EBLN1: variants seen among roughly 807,000 people sequenced by gnomAD.
The protein encoded by EBLN1 is endogenous Bornavirus like nucleoprotein 1.
In EBLN1, 1 loss-of-function variant was observed where a neutral mutation model predicts 0.8. The observed-to-expected ratio is 1.32, with a 90% confidence interval of 0.47 to 6.26. The LOEUF is 6.26. Among genes scored for constraint, EBLN1 ranks in the 30% most tolerant of loss-of-function variants. The pLI is 0.15. For synonymous variants in EBLN1, 158 were observed against 158.5 expected (o/e 1.00, Z 0.02); for missense variants, 396 against 447.9 (o/e 0.88, Z 1.05).
At position 22,209,068 on chromosome 10, in the gene EBLN1, T is replaced by C. The variant is rs1834719641; in HGVS notation, c.916A>G (p.Asn306Asp). The C allele has an allele frequency of 6.5e-7, 1 of 1,536,610 alleles. No homozygotes were observed. The highest frequency in any genetic ancestry group is 8.7e-7 in the Non-Finnish European group (1 of 1,146,910). ...QMFPNLATAA[N>D]YWAKRRNSTF... is the part of the protein sequence containing the mutation. The stretch of plus-strand genomic sequence containing the variant: ...GAATTCCTTCTTTTGGCCCAGTAGT[T>C]TGCTGCTGTTGCTAGGTTTGGGAAC... The change falls in exon 3 of 3, where the codon AAC (asparagine) becomes GAC (aspartate). Residue 306 changes from asparagine to aspartate, a missense_variant. Coordinates refer to ENST00000422359, the MANE Select transcript of EBLN1 (RefSeq NM_001394757.1).
chr10:22,212,201 T>C (rs953615239), intron 2 of EBLN1, among the ~76,000 whole-genome samples: 6 of 152,222 alleles, frequency 3.9e-5, no homozygotes, highest in Non-Finnish European at 5.9e-5. Context: ...TTCCAAAATA[T>C]GTATCAACTA....
chr10:22,211,848 C>A (rs1323881307), intron 2 of EBLN1, among the ~76,000 whole-genome samples: 2 of 152,038 alleles, frequency 1.3e-5, no homozygotes, highest in African/African-American at 4.8e-5. Context: ...TTAAGGTGAG[C>A]ATGTGAGCTT....
rs535527471 is a variant in EBLN1 at position 22,209,110 on chromosome 10, C to A, written c.874G>T (p.Val292Leu). 148 of 1,536,366 alleles carry A rather than the reference C, an allele frequency of 9.6e-5. No homozygotes were observed. The East Asian group carries it at 3.5e-3, about 37-fold the overall frequency. ...TTTGGGAACATTTGTGGTGATAGCACCCCAATAACAGGGTGGCGAAGTACA... is the reference window on the plus strand; with the variant it reads ...TTTGGGAACATTTGTGGTGATAGCAACCCAATAACAGGGTGGCGAAGTACA... ...GGVLRHPVIG[V>L]LSPQMFPNLA... The change falls in exon 3 of 3, where the codon GTG (valine) becomes TTG (leucine). Residue 292 changes from valine to leucine, a missense_variant. Val to Leu is a conservative substitution (Grantham distance 32). Transcript: ENST00000422359.
intron 1 of EBLN1, among the ~76,000 whole-genome samples, chr10:22,214,106 G>A (rs1834773777): frequency 6.6e-6 from 1 of 152,040 alleles, no homozygotes. Flanking sequence ...AATGGTAATG[G>A]TACAACTGGT....
Position 22,215,800 on chromosome 10 carries a change from T to G in EBLN1, c.-169+2116A>C, listed in dbSNP as rs150526689. Among the ~76,000 whole-genome samples the G allele has an allele frequency of 3.3e-5, 5 of 152,202 alleles. No individual in the cohort carries two copies. In the East Asian group the frequency reaches 9.6e-4, roughly 29 times the overall value. Reference sequence around the variant, plus strand: ...TGTATGACCATGAAGAAATGAAACATCTTAAATGTTTGGTGATAGTGGAAT... The same window carrying G: ...TGTATGACCATGAAGAAATGAAACAGCTTAAATGTTTGGTGATAGTGGAAT... On this transcript the variant is annotated intron_variant, in intron 1 of 2. Coordinates refer to ENST00000422359, the MANE Select transcript of EBLN1 (RefSeq NM_001394757.1).
intron 2 of EBLN1, among the ~76,000 whole-genome samples, 41 bp downstream of exon 2, chr10:22,212,801 G>T (rs2253142): frequency 0.28 from 38,065 of 136,834 alleles, 5,070 homozygotes; most frequent in African/African-American, 0.41. Context: ...AAAAAAAGTT[G>T]TGTTTTTTTT....
chr10:22,212,142 TCTAAAGCA>T (rs1459433413), intron 2 of EBLN1, among the ~76,000 whole-genome samples: 1 of 152,182 alleles, frequency 6.6e-6, no homozygotes, highest in Non-Finnish European at 1.5e-5. Flanking sequence ...ACTGCATATC[TCTAAAGCA>T]CTTGGTGGGA....
Position 22,209,052 on chromosome 10 carries a change from C to T in EBLN1, c.932G>A (p.Arg311Lys). ...AAATCCAGAAAATGTGGAATTCCTT[C>T]TTTTGGCCCAGTAGTTTGCTGCTGT... ...LATAANYWAKRRNSTFSGFEA... is the reference protein window; with the variant it reads ...LATAANYWAKKRNSTFSGFEA... Residue 311 changes from arginine to lysine, a missense_variant, in exon 3 of 3, where the codon AGA (arginine) becomes AAA (lysine). Physicochemically the swap from Arg to Lys is conservative, Grantham distance 26. Transcript: ENST00000422359. 1 of 1,536,468 alleles carries T rather than the reference C, an allele frequency of 6.5e-7. No homozygotes were observed. The highest frequency in any genetic ancestry group is 2.4e-5 in the East Asian group (1 of 40,918).
At position 22,209,634 on chromosome 10, in the gene EBLN1, TAG is replaced by T. The variant is rs956043320; in HGVS notation, c.348_349del (p.Tyr117CysfsTer2). 1.6e-5 allele frequency: 25 copies of T among 1,535,772 alleles called. No individual in the cohort carries two copies. In the African/African-American group the frequency reaches 3.3e-4, roughly 20 times the overall value. On this transcript the variant is annotated frameshift_variant, in exon 3 of 3. Coordinates refer to ENST00000422359, the MANE Select transcript of EBLN1 (RefSeq NM_001394757.1). LOFTEE classifies it low-confidence loss of function (END_TRUNC). The stretch of plus-strand genomic sequence containing the variant: ...CAAAACATCTTCAAATTTGCTAGCA[TAG>T]AGAGTACCTGTTTCCTTGTTCTCAT...
intron 1 of EBLN1, among the ~76,000 whole-genome samples, chr10:22,215,272 C>T (rs1489866821): frequency 6.6e-6 from 1 of 152,144 alleles, no homozygotes; most frequent in Non-Finnish European, 1.5e-5. Context: ...CAACTGTTTG[C>T]TTTAAACGGG....
At chr10:22,216,178 A>G (rs79065029) in intron 1 of EBLN1, among the ~76,000 whole-genome samples, 2,082 of 151,636 alleles carry the variant, frequency 0.014, 53 homozygotes, top group African/African-American at 0.048. Context: ...CTGTGCTTCT[A>G]TGATTTTTTT....
At position 22,209,573 on chromosome 10, in the gene EBLN1, C is replaced by T; in HGVS notation, c.411G>A (p.Leu137=). The change falls in exon 3 of 3, where the codon CTG becomes CTA. Residue 137 remains leucine, a synonymous_variant. Coordinates refer to ENST00000422359, the MANE Select transcript of EBLN1 (RefSeq NM_001394757.1). Reference sequence around the variant, plus strand: ...TGCCTATCAGATCACAGCAGTGACGCAGAATTGATGACATCTCAAGGGCAG... The same window carrying T: ...TGCCTATCAGATCACAGCAGTGACGTAGAATTGATGACATCTCAAGGGCAG... ...TFTALEMSSI[L]RHCCDLIGIA... 3.2e-6 allele frequency: 5 copies of T among 1,542,142 alleles called. No homozygotes were observed. The South Asian group carries it at 4.7e-5, about 15-fold the overall frequency.
In EBLN1 at chr10:22,215,268, T is replaced by C. The variant is rs547932436; in HGVS notation, c.-168-2303A>G. 3.3e-5 allele frequency among the ~76,000 whole-genome samples: 5 copies of C among 152,318 alleles called. No individual in the cohort carries two copies. The South Asian group carries it at 1.0e-3, about 32-fold the overall frequency. ...AATATACTCAAAAGTCACTCAACTG[T>C]TTGCTTTAAACGGGTGAATGGTATG... is the stretch of plus-strand genomic sequence containing the variant. On this transcript the variant is annotated intron_variant, in intron 1 of 2. Transcript: ENST00000422359.
Position 22,209,565 on chromosome 10 carries a change from C to G in EBLN1, c.419G>C (p.Cys140Ser). ...ALEMSSILRH[C>S]CDLIGIAAGS... ...GGCAGCAATGCCTATCAGATCACAG[C>G]AGTGACGCAGAATTGATGACATCTC... Residue 140 changes from cysteine to serine, a missense_variant, in exon 3 of 3, where the codon TGC (cysteine) becomes TCC (serine). By Grantham distance (112) the Cys-to-Ser change is moderately radical (BLOSUM62 -1). Coordinates refer to ENST00000422359, the MANE Select transcript of EBLN1 (RefSeq NM_001394757.1). The G allele has an allele frequency of 6.5e-7, 1 of 1,544,370 alleles. No individual in the cohort carries two copies. Among genetic ancestry groups the G allele is most frequent in the Non-Finnish European group, 8.7e-7 (1 of 1,151,532 alleles).
intron 1 of EBLN1, among the ~76,000 whole-genome samples, chr10:22,213,291 T>C (rs911556844): frequency 2.6e-5 from 4 of 152,208 alleles, no homozygotes; most frequent in African/African-American, 7.2e-5. Flanking sequence ...ATTATTTGTA[T>C]AGAAATTCAA....
At chr10:22,214,596 T>C (rs1285826181) in intron 1 of EBLN1, among the ~76,000 whole-genome samples, 1 of 152,138 alleles carries the variant, frequency 6.6e-6, no homozygotes, top group African/African-American at 2.4e-5. Flanking sequence ...AAGCGATATA[T>C]GGGGATTAAA....
At chr10:22,214,275 T>G (rs1588585810) in intron 1 of EBLN1, among the ~76,000 whole-genome samples, 1 of 151,706 alleles carries the variant, frequency 6.6e-6, no homozygotes, top group South Asian at 2.1e-4. Context: ...GAATAGTTTT[T>G]TGATTTTTGA....
chr10:22,217,041 T>A (rs1189335910), intron 1 of EBLN1, among the ~76,000 whole-genome samples: 1 of 152,212 alleles, frequency 6.6e-6, no homozygotes, highest in East Asian at 1.9e-4. Context: ...CCTCTCACGC[T>A]TATTACAATA....
Position 22,209,454 on chromosome 10 carries a change from T to C in EBLN1, c.530A>G (p.His177Arg), listed in dbSNP as rs760955707. ...AATTAATAAATCAGCACTTTCACTA[T>C]GCAAAGGTCTTCCAATGGATATCAT... ...AMMISIGRPL[H>R]SESADLLISY... The change falls in exon 3 of 3, where the codon CAT becomes CGT. Residue 177 changes from histidine to arginine, a missense_variant. His to Arg is a conservative substitution (Grantham distance 29). Coordinates refer to ENST00000422359, the MANE Select transcript of EBLN1 (RefSeq NM_001394757.1). 1 of 1,598,374 alleles carries C rather than the reference T, an allele frequency of 6.3e-7. No individual in the cohort carries two copies.
Sources: gnomAD v4.1 joint callset for allele counts (sites outside exome capture counted in the v4.1 genomes callset) on GRCh38, gnomAD v4.1.1 for gene constraint, MANE v1.5 for transcripts, NCBI Gene and HGNC (gene_info 2026-07-23, HGNC 2026-07-21) for gene names.